The following CPXM2 variants were observed in gnomAD, a reference collection of about 807,000 sequenced individuals.
CPXM2 encodes carboxypeptidase X, M14 family member 2, also known as inactive carboxypeptidase-like protein X2.
In CPXM2, 66 loss-of-function variants were observed where a neutral mutation model predicts 86.1. The ratio of observed to expected loss-of-function variants is 0.77; its 90% confidence interval spans 0.63 to 0.94. The LOEUF (loss-of-function observed/expected upper bound fraction) is 0.94, where lower values mean the gene tolerates loss of function less well. Ranked by LOEUF, CPXM2 falls within the 40% of genes least tolerant of loss-of-function variation. The pLI is 0.00. For synonymous variants in CPXM2, 388 were observed against 400.2 expected (o/e 0.97, Z 0.36); for missense variants, 948 against 1,026.3 (o/e 0.92, Z 1.04).
At chr10:123,761,223 C>T (rs946237792) in intron 11 of CPXM2, among the ~76,000 whole-genome samples, 2 of 152,190 alleles carry the variant, frequency 1.3e-5, no homozygotes, top group African/African-American at 4.8e-5. Flanking sequence ...ACACAGTCGG[C>T]GTTGACCGCA....
At chr10:123,856,591 C>CA (rs1554886117) in intron 3 of CPXM2, among the ~76,000 whole-genome samples, 1 of 151,450 alleles carries the variant, frequency 6.6e-6, no homozygotes, top group African/African-American at 2.4e-5. Flanking sequence ...TTTGGTTTGG[C>CA]TTTTTTTTGT....
At chr10:123,812,441 T>TCGGGGGTCGGGGG (rs1276811469) in intron 4 of CPXM2, among the ~76,000 whole-genome samples, 1 of 152,104 alleles carries the variant, frequency 6.6e-6, no homozygotes, top group Non-Finnish European at 1.5e-5. Flanking sequence ...AGGTAGGAGA[T>TCGGGGGTCGGGGG]TAATTGGTCC....
chr10:123,939,145 A>T (rs1945750431), intron 2 of CPXM2, among the ~76,000 whole-genome samples: 4 of 152,030 alleles, frequency 2.6e-5, no homozygotes, highest in Admixed American at 2.6e-4. Flanking sequence ...TGTCCCTCAG[A>T]CCCACAGAGC....
intron 2 of CPXM2, among the ~76,000 whole-genome samples, chr10:123,919,736 G>T (rs185539768): frequency 1.4e-4 from 22 of 152,316 alleles, no homozygotes; most frequent in Admixed American, 1.4e-3. Flanking sequence ...CTGGGACTGG[G>T]TAATTTATAA....
upstream of CPXM2, among the ~76,000 whole-genome samples, chr10:123,893,776 G>A (rs1261158040): frequency 2.0e-5 from 3 of 152,144 alleles, no homozygotes; most frequent in African/African-American, 4.8e-5. Context: ...AACAGAAAGC[G>A]GCTCCAGCAG....
chr10:123,833,647 G>A lies in CPXM2; in HGVS notation c.653+8702C>T, dbSNP rs117398740. 6.6e-3 allele frequency among the ~76,000 whole-genome samples: 1,007 copies of A among 152,306 alleles called. 4 individuals are homozygous for A. Among genetic ancestry groups the A allele is most frequent in the Non-Finnish European group, 9.8e-3 (667 of 68,024 alleles). On this transcript the variant is annotated intron_variant, in intron 4 of 13. Transcript: ENST00000241305. ...TGAAAGAATGAGGCATCTCCTCTTCGCACAGTCCAGGAAACTGAGGCTTGG... is the reference window on the plus strand; with the variant it reads ...TGAAAGAATGAGGCATCTCCTCTTCACACAGTCCAGGAAACTGAGGCTTGG...
intron 4 of CPXM2, among the ~76,000 whole-genome samples, chr10:123,829,030 G>A (rs7920580): frequency 0.36 from 54,677 of 152,030 alleles, 11,841 homozygotes; most frequent in African/African-American, 0.61. Context: ...GAGTGAAAAC[G>A]TAAACAATGC....
chr10:123,902,384 T>C (rs986339797), intron 2 of CPXM2, among the ~76,000 whole-genome samples: 7 of 152,154 alleles, frequency 4.6e-5, no homozygotes, highest in Non-Finnish European at 1.0e-4. Context: ...CCTAACCTGA[T>C]AGAGAATTAT....
intron 2 of CPXM2, among the ~76,000 whole-genome samples, chr10:123,929,903 TC>T (rs1564825004): frequency 6.6e-6 from 1 of 152,166 alleles, no homozygotes; most frequent in African/African-American, 2.4e-5. Flanking sequence ...GGGTCATGCT[TC>T]CTTCCTTGGG....
Position 123,873,309 on chromosome 10 carries a change from T to C in CPXM2, c.403+6902A>G, listed in dbSNP as rs181830118. Among the ~76,000 whole-genome samples the C allele has an allele frequency of 3.1e-3, 470 of 152,284 alleles. 2 individuals are homozygous for C. Among genetic ancestry groups the C allele is most frequent in the Non-Finnish European group, 5.0e-3 (338 of 68,010 alleles). On this transcript the variant is annotated intron_variant, in intron 2 of 13. Coordinates refer to ENST00000241305, the MANE Select transcript of CPXM2 (RefSeq NM_198148.3). ...AGAATAGCAAGTATCAAAGAATAAA[T>C]CTATTAAAAGATATATAAGACCTCT...
chr10:123,925,570 G>A lies in CPXM2; in HGVS notation n.174+13907C>T, dbSNP rs993300439. 5.3e-5 allele frequency among the ~76,000 whole-genome samples: 8 copies of A among 152,144 alleles called. No homozygotes were observed. The South Asian group carries it at 1.7e-3, about 32-fold the overall frequency. ...GTAAACATCCTCTTGGAAATCTTATGTCTGTGCCAAAATATTTGTAAGTTG... is the reference window on the plus strand; with the variant it reads ...GTAAACATCCTCTTGGAAATCTTATATCTGTGCCAAAATATTTGTAAGTTG... On this transcript the variant is annotated intron_variant and non_coding_transcript_variant, in intron 2 of 19. Coordinates refer to the CPXM2 transcript ENST00000368854.
chr10:123,912,041 G>A (rs191930629), intron 2 of CPXM2, among the ~76,000 whole-genome samples: 6 of 152,144 alleles, frequency 3.9e-5, no homozygotes, highest in South Asian at 2.1e-4. Context: ...GGTGACTTGC[G>A]GAACCACGTG....
intron 4 of CPXM2, among the ~76,000 whole-genome samples, chr10:123,809,070 A>T (rs1847637607): frequency 6.6e-6 from 1 of 152,116 alleles, no homozygotes; most frequent in Non-Finnish European, 1.5e-5. Flanking sequence ...CAGGACGTGA[A>T]TCACCCCTTT....
Position 123,878,139 on chromosome 10 carries a change from C to T in CPXM2, c.403+2072G>A, listed in dbSNP as rs193087807. 2.4e-4 allele frequency among the ~76,000 whole-genome samples: 37 copies of T among 152,148 alleles called. No individual in the cohort carries two copies. The East Asian group carries it at 6.2e-3, about 25-fold the overall frequency. On this transcript the variant is annotated intron_variant, in intron 2 of 13. Coordinates refer to ENST00000241305, the MANE Select transcript of CPXM2 (RefSeq NM_198148.3). ...CCCGGTTCTGCATTTGAGGCCACAC[C>T]TTGCTTGTTCAGGTGCCTGACTCTA...
chr10:123,777,175 G>A (rs17678706), intron 7 of CPXM2: 22,400 of 152,156 alleles, frequency 0.15, 2,228 homozygotes, highest in Non-Finnish European at 0.22. Context: ...TGATGTCCCC[G>A]GCCATCCTTA....
chr10:123,868,069 T>G (rs1034065617), intron 2 of CPXM2, among the ~76,000 whole-genome samples: 1 of 152,138 alleles, frequency 6.6e-6, no homozygotes, highest in African/African-American at 2.4e-5. Flanking sequence ...GTAAAACATT[T>G]GAAAACATCT....
rs527610635 is a variant in CPXM2 at position 123,774,196 on chromosome 10, G to A, written c.979-3157C>T. 5.3e-5 allele frequency among the ~76,000 whole-genome samples: 8 copies of A among 152,294 alleles called. No homozygotes were observed. The East Asian group carries it at 1.5e-3, about 29-fold the overall frequency. ...ACACAGGAAGGCCATCCTGGTCAGG[G>A]TGGCCGGTGGGCAGGTGCCCGTTAG... On this transcript the variant is annotated intron_variant, in intron 7 of 13. Transcript: ENST00000241305.
At chr10:123,852,212 G>T (rs1046039277) in intron 3 of CPXM2, among the ~76,000 whole-genome samples, 1 of 152,112 alleles carries the variant, frequency 6.6e-6, no homozygotes, top group African/African-American at 2.4e-5. Flanking sequence ...CTCCTTCCCA[G>T]GACTCATTGT....
At chr10:123,914,788 G>T (rs572085808) in intron 2 of CPXM2, among the ~76,000 whole-genome samples, 1 of 152,188 alleles carries the variant, frequency 6.6e-6, no homozygotes, top group Admixed American at 6.5e-5. Flanking sequence ...CTTCAACACG[G>T]ATTTGCTTAT....
Sources: gnomAD v4.1 joint callset for allele counts (sites outside exome capture counted in the v4.1 genomes callset) on GRCh38, gnomAD v4.1.1 for gene constraint, MANE v1.5 for transcripts, NCBI Gene and HGNC (gene_info 2026-07-23, HGNC 2026-07-21) for gene names.